Variants in LRP1B observed in about 807,000 individuals in gnomAD.
LRP1B encodes the protein low-density lipoprotein receptor-related protein 1B.
A neutral mutation model predicts 556.6 loss-of-function variants in LRP1B; 217 were observed. The ratio of observed to expected loss-of-function variants is 0.39; its 90% confidence interval spans 0.35 to 0.44. The LOEUF (loss-of-function observed/expected upper bound fraction) is 0.44, where lower values mean the gene tolerates loss of function less well. LRP1B is among the 20% of genes least tolerant of loss of function. The pLI is 1.00. For missense variants in LRP1B, 5,053 were observed against 5,620.8 expected (o/e 0.90, Z 3.23); for synonymous variants, 2,047 against 1,865.8 (o/e 1.10, Z -2.50).
chr2:141,396,182 T>G (rs1212533305), intron 3 of LRP1B, among the ~76,000 whole-genome samples: 1 of 152,134 alleles, frequency 6.6e-6, no homozygotes, highest in African/African-American at 2.4e-5. Flanking sequence ...CAGAATAAAA[T>G]GTAACTCAAT....
intron 18 of LRP1B, among the ~76,000 whole-genome samples, chr2:140,976,453 A>G (rs1171606375): frequency 6.7e-6 from 1 of 150,360 alleles, no homozygotes; most frequent in African/African-American, 2.5e-5. Context: ...AACTTTGCAA[A>G]CTTCAGTAGA....
chr2:141,979,145 T>C (rs1196392455), intron 1 of LRP1B, among the ~76,000 whole-genome samples: 1 of 152,084 alleles, frequency 6.6e-6, no homozygotes, highest in East Asian at 1.9e-4. Context: ...TGAATAAAAT[T>C]AGATGTCAAT....
chr2:140,617,013 C>T (rs1683280720), intron 41 of LRP1B, among the ~76,000 whole-genome samples: 1 of 151,858 alleles, frequency 6.6e-6, no homozygotes, highest in South Asian at 2.1e-4. Flanking sequence ...TTCACATGTG[C>T]TAATTCCAAT....
At chr2:141,180,979 T>C (rs1680964632) in intron 7 of LRP1B, among the ~76,000 whole-genome samples, 1 of 151,976 alleles carries the variant, frequency 6.6e-6, no homozygotes, top group South Asian at 2.1e-4. Context: ...ATGGATGTTG[T>C]TAGACCATAA....
intron 3 of LRP1B, among the ~76,000 whole-genome samples, chr2:141,256,928 C>T (rs1453977767): frequency 5.2e-4 from 79 of 151,726 alleles, no homozygotes; most frequent in Non-Finnish European, 1.0e-4. Context: ...CAAATAAAAA[C>T]ACCCGTAGAA....
intron 37 of LRP1B, among the ~76,000 whole-genome samples, chr2:140,705,543 A>AC (rs1686804349): frequency 1.5e-5 from 2 of 135,202 alleles, no homozygotes; most frequent in Non-Finnish European, 3.3e-5. Flanking sequence ...AAAAAAAAAA[A>AC]AAAAAAAAAA....
At chr2:140,761,569 G>T (rs1688924117) in intron 35 of LRP1B, among the ~76,000 whole-genome samples, 1 of 152,192 alleles carries the variant, frequency 6.6e-6, no homozygotes, top group African/African-American at 2.4e-5. Context: ...TCTAAGAGAA[G>T]CTTGTGGTCA....
chr2:140,823,567 T>G (rs1360156526), intron 31 of LRP1B, among the ~76,000 whole-genome samples: 1 of 152,102 alleles, frequency 6.6e-6, no homozygotes, highest in African/African-American at 2.4e-5. Context: ...ATTTTAGAAA[T>G]CACTCAGTGG....
intron 2 of LRP1B, among the ~76,000 whole-genome samples, chr2:141,573,973 A>T (rs977812053): frequency 3.9e-5 from 6 of 152,156 alleles, no homozygotes; most frequent in Non-Finnish European, 7.3e-5. Flanking sequence ...CAACAAAAAA[A>T]ACCCAGGACT....
At chr2:141,572,596 A>G (rs963964492) in intron 2 of LRP1B, among the ~76,000 whole-genome samples, 9 of 152,176 alleles carry the variant, frequency 5.9e-5, no homozygotes, top group African/African-American at 1.9e-4. Flanking sequence ...AATCTGAAAT[A>G]TAAATGGCTA....
chr2:141,002,141 C>A (rs1697443366), intron 15 of LRP1B, among the ~76,000 whole-genome samples: 1 of 151,924 alleles, frequency 6.6e-6, no homozygotes, highest in South Asian at 2.1e-4. Flanking sequence ...GAAACAATCA[C>A]CTGGTGACTC....
intron 41 of LRP1B, among the ~76,000 whole-genome samples, chr2:140,691,244 A>G (rs974808062): frequency 2.0e-5 from 3 of 152,042 alleles, no homozygotes; most frequent in Admixed American, 2.0e-4. Context: ...GGCCAAGGCG[A>G]GTGGATCACC....
At chr2:140,964,944 A>G (rs1430057865) in intron 18 of LRP1B, among the ~76,000 whole-genome samples, 1 of 151,976 alleles carries the variant, frequency 6.6e-6, no homozygotes, top group Admixed American at 6.6e-5. Flanking sequence ...AAAGAGCAAG[A>G]CTCCAACTCG....
At chr2:141,543,769 A>T (rs1465803180) in intron 2 of LRP1B, among the ~76,000 whole-genome samples, 1 of 151,912 alleles carries the variant, frequency 6.6e-6, no homozygotes, top group Non-Finnish European at 1.5e-5. Context: ...ATAAACAAAA[A>T]CTTATTGAAC....
chr2:140,267,079 T>C (rs1682238293), intron 86 of LRP1B, among the ~76,000 whole-genome samples: 1 of 152,046 alleles, frequency 6.6e-6, no homozygotes, highest in Non-Finnish European at 1.5e-5. Context: ...AACAATTAGA[T>C]AATAATACTA....
At chr2:141,007,308 T>A (rs1697604373) in intron 14 of LRP1B, among the ~76,000 whole-genome samples, 1 of 151,876 alleles carries the variant, frequency 6.6e-6, no homozygotes, top group African/African-American at 2.4e-5. Flanking sequence ...CCACAGGTTA[T>A]CATTGAGTGC....
chr2:141,351,837 T>G (rs1159709754), intron 3 of LRP1B, among the ~76,000 whole-genome samples: 3 of 151,814 alleles, frequency 2.0e-5, no homozygotes, highest in African/African-American at 4.8e-5. Context: ...GCCAAATGAC[T>G]TACAGCTAGA....
intron 1 of LRP1B, among the ~76,000 whole-genome samples, chr2:142,069,028 C>T (rs1362589216): frequency 6.6e-6 from 1 of 151,410 alleles, no homozygotes; most frequent in Non-Finnish European, 1.5e-5. Flanking sequence ...CTCTCCCTCT[C>T]TCTGTCTCTC....
chr2:141,347,200 T>A (rs1688282440), intron 3 of LRP1B, among the ~76,000 whole-genome samples: 3 of 152,140 alleles, frequency 2.0e-5, no homozygotes, highest in Non-Finnish European at 4.4e-5. Context: ...ATATCAGATA[T>A]ACTTGTGGCT....
Sources: allele counts gnomAD v4.1 joint callset (sites outside exome capture counted in the v4.1 genomes callset), GRCh38; gene constraint gnomAD v4.1.1; transcripts MANE v1.5; gene names NCBI Gene and HGNC (gene_info 2026-07-23, HGNC 2026-07-21).